AASDH: variants seen among roughly 807,000 people sequenced by gnomAD.
The protein encoded by AASDH is beta-alanine-activating enzyme.
A neutral mutation model predicts 102.3 loss-of-function variants in AASDH; 81 were observed. The observed-to-expected ratio is 0.79, with a 90% CI of 0.66 to 0.95. AASDH has a LOEUF of 0.95. Ranked by LOEUF, AASDH falls within the 40% of genes least tolerant of loss-of-function variation. AASDH has a pLI of 0.00. For missense variants in AASDH, 1,203 were observed against 1,266.2 expected (o/e 0.95, Z 0.76); for synonymous variants, 398 against 454.0 (o/e 0.88, Z 1.57).
chr4:56,362,731 G>A (rs140210626), intron 5 of AASDH, among the ~76,000 whole-genome samples: 16 of 152,294 alleles, frequency 1.1e-4, no homozygotes, highest in African/African-American at 3.6e-4. Context: ...ACTGGACTTA[G>A]GAGAGAAAAG....
intron 5 of AASDH, among the ~76,000 whole-genome samples, chr4:56,367,125 A>G (rs1751111669): frequency 6.6e-6 from 1 of 152,038 alleles, no homozygotes; most frequent in Non-Finnish European, 1.5e-5. Context: ...CAATTGCTTC[A>G]AAGAGAATAA....
At chr4:56,366,526 T>A (rs1007624296) in intron 5 of AASDH, among the ~76,000 whole-genome samples, 5 of 152,156 alleles carry the variant, frequency 3.3e-5, no homozygotes, top group African/African-American at 7.2e-5. Context: ...TCCACCATGA[T>A]CAAGTGGGCT....
At chr4:56,341,389 C>CTTTTTTGTTT (rs1747660943) in intron 14 of AASDH, among the ~76,000 whole-genome samples, 1 of 92,416 alleles carries the variant, frequency 1.1e-5, no homozygotes, top group Non-Finnish European at 2.0e-5. Flanking sequence ...AGACTTTTAT[C>CTTTTTTGTTT]TTTTTTTTTT....
chr4:56,351,111 A>G (rs981888117), intron 10 of AASDH, among the ~76,000 whole-genome samples: 5 of 152,208 alleles, frequency 3.3e-5, no homozygotes, highest in Non-Finnish European at 7.3e-5. Context: ...TGTGCCTTTT[A>G]TGACTACTTC....
intron 5 of AASDH, among the ~76,000 whole-genome samples, chr4:56,369,385 T>C (rs1019838126): frequency 6.6e-6 from 1 of 152,148 alleles, no homozygotes; most frequent in African/African-American, 2.4e-5. Context: ...AATAAAACAG[T>C]TATAGTAAAA....
At chr4:56,351,583 GTCAACA>G in intron 9 of AASDH, 126 bp from the exon 10 acceptor site, 2 of 582,336 alleles carry the variant, frequency 3.4e-6, no homozygotes, top group South Asian at 4.9e-5. Flanking sequence ...AGAGTTTGTT[GTCAACA>G]ATCAATTCTA....
At chr4:56,372,013 T>A (rs1368844702) in intron 4 of AASDH, among the ~76,000 whole-genome samples, 1 of 152,196 alleles carries the variant, frequency 6.6e-6, no homozygotes, top group Admixed American at 6.5e-5. Flanking sequence ...GGCTGCTGCT[T>A]AGCAGCACAC....
At chr4:56,340,554 G>GTTAAATTT (rs1747548915) in intron 14 of AASDH, among the ~76,000 whole-genome samples, 1 of 152,094 alleles carries the variant, frequency 6.6e-6, no homozygotes, top group South Asian at 2.1e-4. Context: ...TTAAATTTAA[G>GTTAAATTT]ACCTAAAACT....
At chr4:56,378,884 T>A (rs1012579399) in intron 3 of AASDH, among the ~76,000 whole-genome samples, 1 of 151,464 alleles carries the variant, frequency 6.6e-6, no homozygotes, top group Non-Finnish European at 1.5e-5. Context: ...TTTATTTTTT[T>A]ATTTATTTTT....
intron 9 of AASDH, among the ~76,000 whole-genome samples, chr4:56,352,717 C>T (rs1749146271): frequency 6.6e-6 from 1 of 152,152 alleles, no homozygotes; most frequent in Non-Finnish European, 1.5e-5. Context: ...TCTTGCATCA[C>T]TGCTTAAGCT....
chr4:56,373,264 C>T (rs372345950), intron 4 of AASDH, among the ~76,000 whole-genome samples: 25 of 152,174 alleles, frequency 1.6e-4, no homozygotes, highest in African/African-American at 5.5e-4. Context: ...CTCAGCTTCC[C>T]GAGTAGCTGG....
intron 10 of AASDH, among the ~76,000 whole-genome samples, chr4:56,350,312 G>A (rs1457273229): frequency 2.0e-5 from 3 of 152,052 alleles, no homozygotes; most frequent in African/African-American, 7.2e-5. Flanking sequence ...AAAATTAGCT[G>A]GGTGCGGTGG....
At chr4:56,382,926 G>T (rs1983378) in intron 2 of AASDH, among the ~76,000 whole-genome samples, 1 of 151,998 alleles carries the variant, frequency 6.6e-6, no homozygotes, top group Non-Finnish European at 1.5e-5. Flanking sequence ...AAAATCAGCC[G>T]GGCGTCTGCA....
intron 14 of AASDH, among the ~76,000 whole-genome samples, chr4:56,341,387 A>ATTTTTTTTTTTTTT (rs1560561026): frequency 1.2e-5 from 1 of 82,798 alleles, no homozygotes; most frequent in African/African-American, 4.2e-5. Context: ...GGAGACTTTT[A>ATTTTTTTTTTTTTT]TCTTTTTTTT....
rs1411586489 is a variant in AASDH, at chr4:56,378,406, T to C, written c.410A>G (p.Asn137Ser). 1 of 1,613,494 alleles carries C rather than the reference T, an allele frequency of 6.2e-7. No homozygotes were observed. The highest frequency in any genetic ancestry group is 1.1e-5 in the South Asian group (1 of 90,938). The change falls in exon 4 of 15, where the codon AAT (asparagine) becomes AGT (serine). Residue 137 changes from asparagine to serine, a missense_variant. Physicochemically the swap from Asn to Ser is conservative, Grantham distance 46. Coordinates refer to ENST00000205214, the MANE Select transcript of AASDH (RefSeq NM_181806.4). Reference protein sequence around the residue: ...LNYDTFTVEHNDLVLFRLHWK... With the variant: ...LNYDTFTVEHSDLVLFRLHWK... Reference sequence around the variant, plus strand: ...GTGAAGTCTGAAGAGCACTAGGTCATTATGTTCCACTGTAAATGTATCATA... The same window carrying C: ...GTGAAGTCTGAAGAGCACTAGGTCACTATGTTCCACTGTAAATGTATCATA...
rs1157498348 is a variant in AASDH at position 56,370,413 on chromosome 4, AAAG to A, written c.861+1035_861+1037del. On this transcript the variant is annotated intron_variant, in intron 5 of 14. Transcript: ENST00000205214. ...GAGAGAGAAAGAAAGAAAGAAAAGA[AAAG>A]AAAAAACAAAAGAAAAGAAAAGAAA... Among the ~76,000 whole-genome samples the A allele has an allele frequency of 4.6e-5, 7 of 152,268 alleles. No individual in the cohort carries two copies. The East Asian group carries it at 1.2e-3, about 25-fold the overall frequency.
chr4:56,366,190 T>G, intron 5 of AASDH, among the ~76,000 whole-genome samples: 1 of 152,202 alleles, frequency 6.6e-6, no homozygotes, highest in Non-Finnish European at 1.5e-5. Context: ...AATCTCTGTA[T>G]AGACCAATAA....
In AASDH at chr4:56,349,402, T is replaced by G. The variant is rs763275728; in HGVS notation, c.2349A>C (p.Thr783=). ...GAGAATGGGAACCAATGTACACAGT[T>G]GTAGATGACTTATCAAAAGTGGGTA... ...VVIPTFDKSS[T]TVYIGSHSHR... is the part of the protein sequence containing the mutation. The change falls in exon 11 of 15, where the codon ACA becomes ACC. Residue 783 remains threonine, a synonymous_variant. Coordinates refer to ENST00000205214, the MANE Select transcript of AASDH (RefSeq NM_181806.4). 1.2e-6 allele frequency: 2 copies of G among 1,614,196 alleles called. No homozygotes were observed.
intron 5 of AASDH, among the ~76,000 whole-genome samples, chr4:56,365,745 T>TA (rs1442968913): frequency 6.6e-6 from 1 of 152,190 alleles, no homozygotes; most frequent in African/African-American, 2.4e-5. Flanking sequence ...TTTATAGCAC[T>TA]AAATGCCCAC....
Sources: gnomAD v4.1 joint callset for allele counts (sites outside exome capture counted in the v4.1 genomes callset) on GRCh38, gnomAD v4.1.1 for gene constraint, MANE v1.5 for transcripts, NCBI Gene and HGNC (gene_info 2026-07-23, HGNC 2026-07-21) for gene names.